Variants in HACD4 observed in about 807,000 individuals in gnomAD.
The protein encoded by HACD4 is 3-hydroxyacyl-CoA dehydratase 4.
Under a neutral mutation model 33.3 loss-of-function variants are expected in HACD4, and 35 were observed. That is an observed-to-expected ratio of 1.05 (90% CI 0.80 to 1.39). The LOEUF (loss-of-function observed/expected upper bound fraction) is 1.39, where lower values mean the gene tolerates loss of function less well. HACD4 is among the 40% of genes most tolerant of loss of function. HACD4 has a pLI of 0.00. For missense variants in HACD4, 323 were observed against 276.5 expected, an observed-to-expected ratio of 1.17 and a Z score of -1.19; for synonymous variants, 118 against 98.0, an observed-to-expected ratio of 1.20 and a Z score of -1.21.
chr9:21,015,727 T>C (rs1016311445), intron 4 of HACD4, 171 bp downstream of exon 4: 26 of 481,496 alleles, frequency 5.4e-5, no homozygotes, highest in South Asian at 2.1e-4. Flanking sequence ...TTATCTTTGA[T>C]ATGCCCATTA....
At position 21,002,794 on chromosome 9, in the gene HACD4, T is replaced by C. The variant is rs1271696964; in HGVS notation, c.*4243A>G. ...AATATCTAATGGTTCCTATTTCATC[T>C]ATGTTACTTAGATTTGAGAAAGTAA... On this transcript the variant is annotated 3_prime_UTR_variant, in exon 7 of 7. Coordinates refer to ENST00000495827, the MANE Select transcript of HACD4 (RefSeq NM_001010915.5). The C allele has an allele frequency of 1.3e-5, 2 of 152,204 alleles. No individual in the cohort carries two copies. The highest frequency in any genetic ancestry group is 2.9e-5 in the Non-Finnish European group (2 of 67,994). 9.4% of individuals were successfully genotyped at this position (152,204 alleles called of 1,614,324 possible). A position where few individuals can be genotyped will look rare whatever the true frequency, so the allele number is the denominator to read the frequency against.
At chr9:21,020,503 C>G (rs7028971) in intron 3 of HACD4, among the ~76,000 whole-genome samples, 92,038 of 151,926 alleles carry the variant, frequency 0.61, 28,526 homozygotes, top group South Asian at 0.69. Flanking sequence ...ACATTTCAGG[C>G]TTGATAGTGT....
At chr9:21,029,856 C>G (rs1232790626) in intron 1 of HACD4, among the ~76,000 whole-genome samples, 1 of 152,088 alleles carries the variant, frequency 6.6e-6, no homozygotes, top group African/African-American at 2.4e-5. Flanking sequence ...GGAGCTGCGG[C>G]CTGATGCCGC....
intron 3 of HACD4, among the ~76,000 whole-genome samples, chr9:21,019,627 T>C (rs1407881776): frequency 6.6e-6 from 1 of 152,124 alleles, no homozygotes; most frequent in Non-Finnish European, 1.5e-5. Flanking sequence ...TCAACATCTG[T>C]AAAATTACAC....
At chr9:21,028,513 TAGAATAACTTCCTTATGATAC>T (rs1167076301) in intron 2 of HACD4, among the ~76,000 whole-genome samples, 3 of 152,204 alleles carry the variant, frequency 2.0e-5, no homozygotes, top group African/African-American at 7.2e-5. Flanking sequence ...ACCCTGCAAG[TAGAATAACTTCCTTATGATAC>T]ACACGTCTGA....
At chr9:21,007,487 AC>A (rs1239575665) in intron 6 of HACD4, among the ~76,000 whole-genome samples, 9 of 152,166 alleles carry the variant, frequency 5.9e-5, no homozygotes, top group Non-Finnish European at 1.3e-4. Flanking sequence ...AGCTGGGAAA[AC>A]AAAAATTTAA....
chr9:21,011,005 C>G (rs1842412928), intron 5 of HACD4, among the ~76,000 whole-genome samples: 1 of 152,144 alleles, frequency 6.6e-6, no homozygotes, highest in Non-Finnish European at 1.5e-5. Context: ...TACTGCTCAC[C>G]TCCTGGTATG....
intron 3 of HACD4, among the ~76,000 whole-genome samples, chr9:21,016,977 G>C (rs556789523): frequency 6.6e-6 from 1 of 151,956 alleles, no homozygotes; most frequent in East Asian, 1.9e-4. Context: ...TAAATATAAA[G>C]TGCCTTCTTA....
intron 4 of HACD4, 143 bp from the exon 5 acceptor site, chr9:21,011,838 T>C (rs954663456): frequency 1.3e-5 from 7 of 555,704 alleles, no homozygotes; most frequent in Non-Finnish European, 2.2e-5. Context: ...AAGGAAGAGT[T>C]TTTTTTAAAT....
At chr9:21,023,183 A>C (rs924796356) in intron 3 of HACD4, among the ~76,000 whole-genome samples, 3 of 136,116 alleles carry the variant, frequency 2.2e-5, no homozygotes, top group African/African-American at 8.1e-5. Flanking sequence ...ACACTTGGAC[A>C]CAGGAAGGGG....
intron 2 of HACD4, among the ~76,000 whole-genome samples, chr9:21,028,720 C>A (rs192377496): frequency 6.6e-6 from 1 of 152,334 alleles, no homozygotes; most frequent in East Asian, 1.9e-4. Flanking sequence ...AGTCACCCAA[C>A]AGTGACTTTA....
At chr9:21,029,428 C>G in intron 1 of HACD4, 30 bp from the exon 2 acceptor site, 1 of 1,322,996 alleles carries the variant, frequency 7.6e-7, no homozygotes, top group Non-Finnish European at 1.1e-6. Flanking sequence ...CCATTAAACA[C>G]TTCTTTTATA....
chr9:21,013,042 G>C lies in HACD4; in HGVS notation c.384-1347C>G, dbSNP rs1429869532. On this transcript the variant is annotated intron_variant, in intron 4 of 6. Coordinates refer to ENST00000495827, the MANE Select transcript of HACD4 (RefSeq NM_001010915.5). ...AGATCACACCACTGGACTCCAGCCT[G>C]GGTGAGAGAGCAAGACTCCATCTCA... 4.6e-5 allele frequency among the ~76,000 whole-genome samples: 7 copies of C among 150,724 alleles called. No homozygotes were observed. In the South Asian group the frequency reaches 1.3e-3, roughly 27 times the overall value.
intron 4 of HACD4, among the ~76,000 whole-genome samples, chr9:21,014,405 A>C (rs1376831119): frequency 6.6e-6 from 1 of 152,228 alleles, no homozygotes; most frequent in Non-Finnish European, 1.5e-5. Context: ...AGTACTGCAC[A>C]TGCCACAACA....
chr9:21,020,847 AAT>A (rs1432546256), intron 3 of HACD4, among the ~76,000 whole-genome samples: 2 of 152,248 alleles, frequency 1.3e-5, no homozygotes, highest in African/African-American at 4.8e-5. Context: ...AAAAAAATAA[AAT>A]ATATGTCAGT....
intron 4 of HACD4, among the ~76,000 whole-genome samples, chr9:21,013,906 C>G (rs77249640): frequency 0.011 from 1,704 of 152,190 alleles, 25 homozygotes; most frequent in African/African-American, 0.039. Context: ...AGCCTAGATG[C>G]CTTTTATACC....
chr9:21,015,607 T>TCTCGGTGGTC, intron 4 of HACD4: 1 of 238,582 alleles, frequency 4.2e-6, no homozygotes. Context: ...TTGTGAGGAA[T>TCTCGGTGGTC]GCCTTTGTTA....
chr9:21,021,787 G>A lies in HACD4; in HGVS notation c.270+4809C>T, dbSNP rs1303562690. Among the ~76,000 whole-genome samples the A allele has an allele frequency of 3.3e-5, 5 of 152,132 alleles. No individual in the cohort carries two copies. In the East Asian group the frequency reaches 5.8e-4, roughly 18 times the overall value. ...CATGGGTAGGAAGAATCAATATCGTGAAAATGGCCATACTGCCCAAGGTAA... is the reference window on the plus strand; with the variant it reads ...CATGGGTAGGAAGAATCAATATCGTAAAAATGGCCATACTGCCCAAGGTAA... On this transcript the variant is annotated intron_variant, in intron 3 of 6. Transcript: ENST00000495827.
intron 2 of HACD4, among the ~76,000 whole-genome samples, chr9:21,027,725 T>A (rs1194270963): frequency 1.3e-5 from 2 of 152,244 alleles, no homozygotes; most frequent in Non-Finnish European, 2.9e-5. Flanking sequence ...ATACATTGAT[T>A]CAAAAATTGT....
Sources: allele counts gnomAD v4.1 joint callset (sites outside exome capture counted in the v4.1 genomes callset), GRCh38; gene constraint gnomAD v4.1.1; transcripts MANE v1.5; gene names NCBI Gene and HGNC (gene_info 2026-07-23, HGNC 2026-07-21).